Variants in EIPR1 observed in about 807,000 individuals in gnomAD.
The protein encoded by EIPR1 is EARP complex and GARP complex interacting protein 1.
A neutral mutation model predicts 48.1 loss-of-function variants in EIPR1; 25 were observed. The ratio of observed to expected loss-of-function variants is 0.52; its 90% CI spans 0.38 to 0.73. The LOEUF (loss-of-function observed/expected upper bound fraction) is 0.73. Among genes scored for constraint, EIPR1 ranks in the 30% least tolerant of loss-of-function variants. EIPR1 has a pLI of 0.00. For synonymous variants in EIPR1, 204 were observed against 201.9 expected, an observed-to-expected ratio of 1.01 and a Z score of -0.09; for missense variants, 415 against 506.2, an observed-to-expected ratio of 0.82 and a Z score of 1.73.
intron 3 of EIPR1, among the ~76,000 whole-genome samples, chr2:3,283,445 A>G (rs1388295616): frequency 6.6e-6 from 1 of 152,198 alleles, no homozygotes; most frequent in Non-Finnish European, 1.5e-5. Flanking sequence ...CTGCAACCCA[A>G]GCTGAGGGGG....
chr2:3,258,146 C>CCT (rs1553289676), intron 3 of EIPR1, among the ~76,000 whole-genome samples: 2 of 151,920 alleles, frequency 1.3e-5, no homozygotes, highest in African/African-American at 4.8e-5. Flanking sequence ...TCTTGATACT[C>CCT]TATTTTCAAG....
At chr2:3,244,650 G>A (rs1038964345) in intron 4 of EIPR1, among the ~76,000 whole-genome samples, 2 of 152,162 alleles carry the variant, frequency 1.3e-5, no homozygotes, top group Non-Finnish European at 2.9e-5. Flanking sequence ...GCAAAAAGGA[G>A]CCATCTGTGA....
intron 2 of EIPR1, among the ~76,000 whole-genome samples, chr2:3,339,697 G>C (rs1206327528): frequency 2.0e-5 from 3 of 152,104 alleles, no homozygotes; most frequent in South Asian, 2.1e-4. Flanking sequence ...GCCTGTAATT[G>C]TAGCACTTTG....
intron 3 of EIPR1, among the ~76,000 whole-genome samples, chr2:3,311,508 T>C (rs1003774115): frequency 6.6e-6 from 1 of 152,238 alleles, no homozygotes; most frequent in African/African-American, 2.4e-5. Context: ...ATATTTTAAA[T>C]CTGAGAACAT....
intron 3 of EIPR1, among the ~76,000 whole-genome samples, chr2:3,311,956 G>C (rs1327181543): frequency 6.6e-6 from 1 of 152,180 alleles, no homozygotes; most frequent in African/African-American, 2.4e-5. Context: ...CCTGGACCTG[G>C]CCTTCTTTGG....
chr2:3,318,723 A>T (rs988817650), intron 3 of EIPR1: 2 of 394,874 alleles, frequency 5.1e-6, no homozygotes, highest in African/African-American at 4.2e-5. Flanking sequence ...TGTCCCGGCA[A>T]TCAGAGTTCT....
intron 5 of EIPR1, among the ~76,000 whole-genome samples, chr2:3,204,863 C>A (rs1013269213): frequency 2.0e-5 from 3 of 151,870 alleles, no homozygotes; most frequent in African/African-American, 7.3e-5. Context: ...AGGCGCACTC[C>A]CAGCAGACCC....
At chr2:3,287,639 C>A (rs548358499) in intron 3 of EIPR1, among the ~76,000 whole-genome samples, 4 of 151,778 alleles carry the variant, frequency 2.6e-5, no homozygotes, top group Admixed American at 2.6e-4. Context: ...TCGTTCACCA[C>A]GCTCCGGAAA....
At chr2:3,369,457 G>T (rs895418994) in intron 1 of EIPR1, among the ~76,000 whole-genome samples, 1 of 152,218 alleles carries the variant, frequency 6.6e-6, no homozygotes, top group Admixed American at 6.5e-5. Context: ...GAAGTGCAAG[G>T]GGTCAGGGAG....
At chr2:3,254,735 A>G (rs1667102331) in intron 4 of EIPR1, among the ~76,000 whole-genome samples, 1 of 152,254 alleles carries the variant, frequency 6.6e-6, no homozygotes, top group Non-Finnish European at 1.5e-5. Flanking sequence ...GGTTATAAAT[A>G]TAACATAGCA....
chr2:3,330,957 G>C (rs1669875972), intron 3 of EIPR1, among the ~76,000 whole-genome samples: 1 of 151,854 alleles, frequency 6.6e-6, no homozygotes, highest in Non-Finnish European at 1.5e-5. Flanking sequence ...TGTGAGCAGA[G>C]GCAAGCGCAT....
At chr2:3,341,102 AAAAAAAAAAAAAAAAAAAC>A (rs1426809303) in intron 2 of EIPR1, among the ~76,000 whole-genome samples, 2 of 145,118 alleles carry the variant, frequency 1.4e-5, no homozygotes, top group South Asian at 2.2e-4. Flanking sequence ...TCTCAAAAAA[AAAAAAAAAAAAAAAAAAAC>A]AAAACAAAAC....
At chr2:3,245,192 TGC>T (rs1666758635) in intron 4 of EIPR1, among the ~76,000 whole-genome samples, 2 of 28,670 alleles carry the variant, frequency 7.0e-5, no homozygotes, top group South Asian at 1.8e-3. Flanking sequence ...ACTTTACCGT[TGC>T]GTTGCGTTGC....
intron 1 of EIPR1, among the ~76,000 whole-genome samples, chr2:3,374,481 C>T (rs1013043899): frequency 1.3e-5 from 2 of 152,088 alleles, no homozygotes; most frequent in Non-Finnish European, 2.9e-5. Context: ...ACCTGCTCAT[C>T]TGACAAAGGG....
At chr2:3,288,396 G>A (rs1668270601) in intron 3 of EIPR1, among the ~76,000 whole-genome samples, 2 of 152,222 alleles carry the variant, frequency 1.3e-5, no homozygotes, top group South Asian at 2.1e-4. Flanking sequence ...ACAAGGAGGT[G>A]ATGTGAAATA....
chr2:3,209,454 G>C (rs1665363597), intron 5 of EIPR1, among the ~76,000 whole-genome samples: 1 of 152,212 alleles, frequency 6.6e-6, no homozygotes, highest in African/African-American at 2.4e-5. Context: ...CGCATGGCGA[G>C]GGTGCGTGGA....
chr2:3,354,752 A>T, intron 1 of EIPR1, 119 bp from the exon 2 acceptor site: 1 of 1,128,646 alleles, frequency 8.9e-7, no homozygotes, highest in Middle Eastern at 2.1e-4. Context: ...AAATTAGTAC[A>T]GAGTGTCTGG....
intron 3 of EIPR1, among the ~76,000 whole-genome samples, chr2:3,265,243 G>A (rs1667452249): frequency 1.5e-5 from 2 of 131,768 alleles, no homozygotes; most frequent in Non-Finnish European, 1.6e-5. Flanking sequence ...AAAAATGAAC[G>A]AAGCTGCACA....
At chr2:3,360,695 G>A (rs942911036) in intron 1 of EIPR1, among the ~76,000 whole-genome samples, 4 of 152,184 alleles carry the variant, frequency 2.6e-5, no homozygotes, top group Admixed American at 1.3e-4. Context: ...CCAGAAACAG[G>A]TAGCAAACCG....
Sources: allele counts gnomAD v4.1 joint callset (sites outside exome capture counted in the v4.1 genomes callset), GRCh38; gene constraint gnomAD v4.1.1; transcripts MANE v1.5; gene names NCBI Gene and HGNC (gene_info 2026-07-23, HGNC 2026-07-21).